SYCP2: variants seen among roughly 807,000 people sequenced by gnomAD.
SYCP2 encodes synaptonemal complex protein 2.
A neutral mutation model predicts 211.3 loss-of-function variants in SYCP2; 55 were observed. The ratio of observed to expected loss-of-function variants is 0.26; its 90% confidence interval spans 0.21 to 0.33. The LOEUF is 0.33. Among genes scored for constraint, SYCP2 ranks in the 10% least tolerant of loss-of-function variants. SYCP2 has a pLI of 1.00. For synonymous variants in SYCP2, 570 were observed against 555.2 expected, an observed-to-expected ratio of 1.03 and a Z score of -0.37; for missense variants, 1,731 against 1,752.0, an observed-to-expected ratio of 0.99 and a Z score of 0.21.
intron 36 of SYCP2, among the ~76,000 whole-genome samples, 193 bp downstream of exon 36, chr20:59,869,605 G>A (rs1327491513): frequency 6.6e-6 from 1 of 151,650 alleles, no homozygotes; most frequent in Non-Finnish European, 1.5e-5. Flanking sequence ...CATTTTAAAA[G>A]TTTCAACTTT....
At chr20:59,883,817 A>G (rs2059733559) in intron 26 of SYCP2, among the ~76,000 whole-genome samples, 1 of 152,096 alleles carries the variant, frequency 6.6e-6, no homozygotes, top group African/African-American at 2.4e-5. Context: ...ATAGTACACC[A>G]ACTATATATA....
intron 2 of SYCP2, among the ~76,000 whole-genome samples, chr20:59,925,243 A>C (rs779504306): frequency 3.9e-5 from 6 of 151,996 alleles, no homozygotes; most frequent in Non-Finnish European, 7.4e-5. Context: ...AGCATTAGGA[A>C]AAATGGCTAA....
intron 33 of SYCP2, among the ~76,000 whole-genome samples, chr20:59,875,715 G>A (rs2059541674): frequency 1.3e-5 from 2 of 152,008 alleles, no homozygotes; most frequent in African/African-American, 2.4e-5. Flanking sequence ...TTCTTTGAGG[G>A]TTCAAAGATT....
chr20:59,920,622 G>C, intron 4 of SYCP2, 135 bp from the exon 5 acceptor site: 1 of 703,668 alleles, frequency 1.4e-6, no homozygotes, highest in Non-Finnish European at 2.3e-6. Flanking sequence ...TCTCTATATT[G>C]CAACAGATGA....
chr20:59,891,926 TTTC>T, intron 24 of SYCP2, 61 bp downstream of exon 24: 13 of 1,376,338 alleles, frequency 9.4e-6, no homozygotes, highest in African/African-American at 1.5e-5. Flanking sequence ...AGTTTCTTTC[TTTC>T]TTATGTTATC....
At chr20:59,887,481 A>T (rs1336729749) in intron 24 of SYCP2, among the ~76,000 whole-genome samples, 1 of 152,198 alleles carries the variant, frequency 6.6e-6, no homozygotes, top group East Asian at 1.9e-4. Context: ...TCTTTATAGC[A>T]GCATTATTTA....
chr20:59,881,094 C>T (rs972426550), intron 29 of SYCP2, 71 bp from the exon 30 acceptor site: 11 of 844,948 alleles, frequency 1.3e-5, no homozygotes, highest in African/African-American at 1.8e-5. Context: ...ACACAATGGA[C>T]AATTAGACCT....
Position 59,892,191 on chromosome 20 carries a change from T to G in SYCP2, c.2163A>C (p.Glu721Asp). Residue 721 changes from glutamate (E) to aspartate (D), a missense_variant, in exon 24 of 45, where the codon GAA becomes GAC. Transcript: ENST00000357552. ...AKQSDWPVES[E>D]TTFKSVLLNK... ...TTAGGAGAACCGATTTAAAAGTAGTTTCAGATTCAACAGGCCAATCACTCT... is the reference window on the plus strand; with the variant it reads ...TTAGGAGAACCGATTTAAAAGTAGTGTCAGATTCAACAGGCCAATCACTCT... 1 of 1,612,690 alleles carries G rather than the reference T, an allele frequency of 6.2e-7. No homozygotes were observed. Among genetic ancestry groups the G allele is most frequent in the Non-Finnish European group, 8.5e-7 (1 of 1,179,204 alleles).
At chr20:59,876,411 A>AAG (rs71183188) in intron 33 of SYCP2, among the ~76,000 whole-genome samples, 1 of 139,586 alleles carries the variant, frequency 7.2e-6, no homozygotes, top group South Asian at 2.2e-4. Flanking sequence ...AAAAAAAAAA[A>AAG]GAAGAAGTGA....
chr20:59,911,853 A>G lies in SYCP2; in HGVS notation c.877-8T>C, dbSNP rs1409704483. On this transcript the variant is annotated splice_region_variant and splice_polypyrimidine_tract_variant and intron_variant, in intron 13 of 44. Coordinates refer to ENST00000357552, the MANE Select transcript of SYCP2 (RefSeq NM_014258.4). Reference sequence around the variant, plus strand: ...ATCTGATGGTATTTGCAGCTAATAAAATAAACATACAAAACTGGAATATAC... The same window carrying G: ...ATCTGATGGTATTTGCAGCTAATAAGATAAACATACAAAACTGGAATATAC... 2 of 1,465,802 alleles carry G rather than the reference A, an allele frequency of 1.4e-6. No individual in the cohort carries two copies. The highest frequency in any genetic ancestry group is 1.9e-6 in the Non-Finnish European group (2 of 1,061,008). The allele number at this position is 1,465,802 out of a possible 1,614,324, so 90.8% of individuals were successfully genotyped here. A position where few individuals can be genotyped will look rare whatever the true frequency, so the allele number is the denominator to read the frequency against.
intron 5 of SYCP2, among the ~76,000 whole-genome samples, 159 bp from the exon 6 acceptor site, chr20:59,919,756 GTTTT>G (rs573768688): frequency 6.7e-6 from 1 of 150,128 alleles, no homozygotes; most frequent in South Asian, 2.1e-4. Flanking sequence ...GATCTTCCTT[GTTTT>G]TTTTTAACTA....
intron 15 of SYCP2, among the ~76,000 whole-genome samples, chr20:59,905,712 A>G (rs1195237482): frequency 6.6e-6 from 1 of 152,198 alleles, no homozygotes; most frequent in Admixed American, 6.5e-5. Context: ...AGAGTTATCA[A>G]CGTCCTTAAT....
chr20:59,932,935 T>G (rs960121907), intron 1 of SYCP2, among the ~76,000 whole-genome samples: 4 of 152,098 alleles, frequency 2.6e-5, no homozygotes, highest in African/African-American at 7.2e-5. Flanking sequence ...CTTCCCTAAG[T>G]GGAACCGGCA....
At chr20:59,932,214 T>C (rs2060761603) in intron 1 of SYCP2, 60 bp from the exon 2 acceptor site, 1 of 152,140 alleles carries the variant, frequency 6.6e-6, no homozygotes, top group Non-Finnish European at 1.5e-5. Context: ...ATTTGGCAGA[T>C]GGGGGAGGCA....
chr20:59,900,116 A>G, intron 18 of SYCP2, 22 bp downstream of exon 18: 1 of 1,610,376 alleles, frequency 6.2e-7, no homozygotes, highest in South Asian at 1.1e-5. Context: ...TTTATAAGCC[A>G]GTATTTTGAC....
chr20:59,896,342 A>C, intron 19 of SYCP2, 87 bp downstream of exon 19: 1 of 690,278 alleles, frequency 1.4e-6, no homozygotes, highest in Non-Finnish European at 2.4e-6. Flanking sequence ...CTTATCCTTT[A>C]TGTAAATTAT....
intron 12 of SYCP2, among the ~76,000 whole-genome samples, chr20:59,913,744 C>G (rs2060376874): frequency 6.6e-6 from 1 of 151,970 alleles, no homozygotes; most frequent in Admixed American, 6.6e-5. Context: ...ATGAACTTTT[C>G]CCTCTAAAAA....
Position 59,900,299 on chromosome 20 carries a change from G to T in SYCP2, c.1258-15C>A. On this transcript the variant is annotated splice_polypyrimidine_tract_variant and intron_variant, in intron 17 of 44. Transcript: ENST00000357552. ...GGCACTAGAATCTGTTGGAGAATATGAAAAAAAAAGTATTTAAAACTGCAA... is the reference window on the plus strand; with the variant it reads ...GGCACTAGAATCTGTTGGAGAATATTAAAAAAAAAGTATTTAAAACTGCAA... 6.4e-7 allele frequency: 1 copy of T among 1,551,096 alleles called. No homozygotes were observed. Among genetic ancestry groups the T allele is most frequent in the Non-Finnish European group, 8.7e-7 (1 of 1,154,504 alleles).
chr20:59,888,745 C>CA (rs1238821635), intron 24 of SYCP2, among the ~76,000 whole-genome samples: 2 of 151,986 alleles, frequency 1.3e-5, no homozygotes, highest in East Asian at 3.9e-4. Context: ...TAGAAAATCT[C>CA]AAAGAATTAG....
Sources: gnomAD v4.1 joint callset for allele counts (sites outside exome capture counted in the v4.1 genomes callset) on GRCh38, gnomAD v4.1.1 for gene constraint, MANE v1.5 for transcripts, NCBI Gene and HGNC (gene_info 2026-07-23, HGNC 2026-07-21) for gene names.